Variants in EPHA5 observed in about 807,000 individuals in gnomAD.
EPHA5 encodes the protein ephrin type-A receptor 5.
In EPHA5, 60 loss-of-function variants were observed where a neutral mutation model predicts 105.0. The ratio of observed to expected loss-of-function variants is 0.57; its 90% CI spans 0.46 to 0.71. The LOEUF (loss-of-function observed/expected upper bound fraction) is 0.71. Ranked by LOEUF, EPHA5 falls within the 30% of genes least tolerant of loss-of-function variation. EPHA5 has a pLI of 0.00. For missense variants in EPHA5, 1,218 were observed against 1,274.7 expected, an observed-to-expected ratio of 0.96 and a Z score of 0.68; for synonymous variants, 513 against 449.1, an observed-to-expected ratio of 1.14 and a Z score of -1.80.
intron 8 of EPHA5, among the ~76,000 whole-genome samples, chr4:65,380,265 T>TAAA (rs1292318556): frequency 6.6e-6 from 1 of 151,782 alleles, no homozygotes; most frequent in Non-Finnish European, 1.5e-5. Flanking sequence ...TGGCTTAGAA[T>TAAA]AAAAAACTGT....
At chr4:65,369,694 G>A (rs1319481013) in intron 8 of EPHA5, among the ~76,000 whole-genome samples, 2 of 152,048 alleles carry the variant, frequency 1.3e-5, no homozygotes, top group African/African-American at 4.8e-5. Context: ...CTGGCTGGGC[G>A]TGGTGGCTCA....
At chr4:65,495,575 C>T (rs2149227047) in intron 3 of EPHA5, 32 bp from the exon 4 acceptor site, 1 of 1,579,542 alleles carries the variant, frequency 6.3e-7, no homozygotes, top group South Asian at 1.2e-5. Flanking sequence ...TAAGCTTTTC[C>T]CTGGAACAGA....
intron 3 of EPHA5, among the ~76,000 whole-genome samples, chr4:65,582,365 A>T (rs1741710599): frequency 6.6e-6 from 1 of 151,558 alleles, no homozygotes; most frequent in Non-Finnish European, 1.5e-5. Flanking sequence ...GAAACTGTGC[A>T]TCAGATAAGC....
At chr4:65,624,290 A>C (rs546213581) in intron 2 of EPHA5, among the ~76,000 whole-genome samples, 1 of 152,326 alleles carries the variant, frequency 6.6e-6, no homozygotes, top group Admixed American at 6.5e-5. Flanking sequence ...TAAATACAAA[A>C]ACAATTTCCA....
intron 13 of EPHA5, among the ~76,000 whole-genome samples, chr4:65,349,876 A>T (rs900152880): frequency 1.3e-5 from 2 of 152,218 alleles, no homozygotes; most frequent in Non-Finnish European, 2.9e-5. Flanking sequence ...ACCTTAGCCC[A>T]TAATTTTTCT....
At position 65,418,337 on chromosome 4, in the gene EPHA5, T is replaced by C. The variant is rs181965680; in HGVS notation, c.1527+2104A>G. 3.4e-4 allele frequency among the ~76,000 whole-genome samples: 52 copies of C among 152,300 alleles called. 1 individual carries two copies. In the East Asian group the frequency reaches 6.9e-3, roughly 20 times the overall value. Reference sequence around the variant, plus strand: ...TTTTTTGATATAGCCTATGTTTAAATTGTAGACCTCTGGAATTTGCAATGC... The same window carrying C: ...TTTTTTGATATAGCCTATGTTTAAACTGTAGACCTCTGGAATTTGCAATGC... On this transcript the variant is annotated intron_variant, in intron 6 of 16. Transcript: ENST00000613740.
intron 8 of EPHA5, among the ~76,000 whole-genome samples, chr4:65,390,138 C>T (rs1260680511): frequency 6.6e-6 from 1 of 151,860 alleles, no homozygotes; most frequent in Non-Finnish European, 1.5e-5. Flanking sequence ...AAAGACTGCC[C>T]CTCTCATGGC....
At chr4:65,382,265 C>A (rs1212632171) in intron 8 of EPHA5, among the ~76,000 whole-genome samples, 2 of 150,894 alleles carry the variant, frequency 1.3e-5, no homozygotes, top group Admixed American at 6.6e-5. Context: ...TGAGGTGAGA[C>A]ATATTTAGAA....
intron 3 of EPHA5, among the ~76,000 whole-genome samples, chr4:65,534,447 A>G (rs1736106735): frequency 6.6e-6 from 1 of 152,222 alleles, no homozygotes; most frequent in Non-Finnish European, 1.5e-5. Context: ...ACATACAAAC[A>G]AAACCAAACA....
chr4:65,396,527 G>A (rs1721257696), intron 8 of EPHA5, among the ~76,000 whole-genome samples: 1 of 152,126 alleles, frequency 6.6e-6, no homozygotes, highest in African/African-American at 2.4e-5. Context: ...TTATCCCGTT[G>A]GAAGAACAGC....
At chr4:65,400,637 C>T (rs1721722164) in intron 8 of EPHA5, among the ~76,000 whole-genome samples, 1 of 151,994 alleles carries the variant, frequency 6.6e-6, no homozygotes, top group South Asian at 2.1e-4. Context: ...ATTAAAAAGT[C>T]TCTATATTTG....
chr4:65,600,637 T>C (rs1743628320), intron 3 of EPHA5, among the ~76,000 whole-genome samples: 1 of 152,154 alleles, frequency 6.6e-6, no homozygotes, highest in Non-Finnish European at 1.5e-5. Context: ...CACCTGAAGC[T>C]ACCAGGTGGG....
At chr4:65,530,198 T>A (rs1360758690) in intron 3 of EPHA5, among the ~76,000 whole-genome samples, 1 of 152,128 alleles carries the variant, frequency 6.6e-6, no homozygotes, top group African/African-American at 2.4e-5. Context: ...TATATGGAAC[T>A]ACTGGGATTA....
intron 7 of EPHA5, among the ~76,000 whole-genome samples, chr4:65,405,304 T>G (rs899563091): frequency 6.6e-6 from 1 of 152,146 alleles, no homozygotes; most frequent in African/African-American, 2.4e-5. Flanking sequence ...CAAAATAAAT[T>G]GTACTAATGT....
At chr4:65,383,188 T>C (rs1369188834) in intron 8 of EPHA5, among the ~76,000 whole-genome samples, 1 of 148,700 alleles carries the variant, frequency 6.7e-6, no homozygotes, top group Non-Finnish European at 1.5e-5. Flanking sequence ...GGTATATATG[T>C]ATCATATATA....
intron 3 of EPHA5, among the ~76,000 whole-genome samples, chr4:65,524,227 T>G (rs1735025418): frequency 6.6e-6 from 1 of 151,764 alleles, no homozygotes; most frequent in African/African-American, 2.4e-5. Flanking sequence ...GGTATACTGT[T>G]TCAAAGTGAC....
At position 65,361,140 on chromosome 4, in the gene EPHA5, A is replaced by G. The variant is rs147574662; in HGVS notation, c.2173+3877T>C. On this transcript the variant is annotated intron_variant, in intron 11 of 16. Coordinates refer to ENST00000613740, the MANE Select transcript of EPHA5 (RefSeq NM_001281766.3). Reference sequence around the variant, plus strand: ...GTTCATATTTTAAAACTTGTACTCCAATGTAGAACTGGGAAGTTTTCCTTT... The same window carrying G: ...GTTCATATTTTAAAACTTGTACTCCGATGTAGAACTGGGAAGTTTTCCTTT... Among the ~76,000 whole-genome samples the G allele has an allele frequency of 6.8e-4, 103 of 151,800 alleles. No individual in the cohort carries two copies. In the East Asian group the frequency reaches 0.017, roughly 26 times the overall value.
chr4:65,507,079 G>A (rs536732295), intron 3 of EPHA5, among the ~76,000 whole-genome samples: 5,826 of 152,076 alleles, frequency 0.038, 131 homozygotes, highest in Admixed American at 0.073. Context: ...TCAGCTTTCT[G>A]CATATGGCTA....
chr4:65,405,865 CAT>C (rs908484622), intron 7 of EPHA5, among the ~76,000 whole-genome samples: 9 of 152,126 alleles, frequency 5.9e-5, no homozygotes, highest in African/African-American at 2.2e-4. Flanking sequence ...TCTCTAAACT[CAT>C]ATTATTTCTA....
Sources: allele counts gnomAD v4.1 joint callset (sites outside exome capture counted in the v4.1 genomes callset), GRCh38; gene constraint gnomAD v4.1.1; transcripts MANE v1.5; gene names NCBI Gene and HGNC (gene_info 2026-07-23, HGNC 2026-07-21).